The following VKORC1L1 variants were observed in gnomAD, a reference collection of about 807,000 sequenced individuals.
VKORC1L1 encodes vitamin K epoxide reductase complex subunit 1L1.
Under a neutral mutation model 18.9 loss-of-function variants are expected in VKORC1L1, and 2 were observed. That is an observed-to-expected ratio of 0.11 (90% CI 0.04 to 0.33). The LOEUF is 0.33. Among genes scored for constraint, VKORC1L1 ranks in the 10% least tolerant of loss-of-function variants. The pLI, the probability that VKORC1L1 is intolerant of heterozygous loss-of-function variation, is 1.00. For missense variants in VKORC1L1, 123 were observed against 224.1 expected (o/e 0.55, Z 2.88); for synonymous variants, 96 against 100.0 (o/e 0.96, Z 0.24).
intron 1 of VKORC1L1, among the ~76,000 whole-genome samples, chr7:65,890,383 G>T (rs1789092689): frequency 6.6e-6 from 1 of 151,968 alleles, no homozygotes; most frequent in Non-Finnish European, 1.5e-5. Context: ...CGCCTGCCTC[G>T]GCCTCCCAAA....
At chr7:65,880,083 G>A (rs1295856599) in intron 1 of VKORC1L1, among the ~76,000 whole-genome samples, 1 of 152,046 alleles carries the variant, frequency 6.6e-6, no homozygotes, top group Admixed American at 6.6e-5. Flanking sequence ...TCAAACTCCT[G>A]GCCTCAAGCA....
At chr7:65,948,322 A>G (rs35260440) in intron 1 of VKORC1L1, among the ~76,000 whole-genome samples, 16,261 of 149,766 alleles carry the variant, frequency 0.11, 1,041 homozygotes, top group Middle Eastern at 0.2. Context: ...ACAGTGGACA[A>G]CTGTCTCCTT....
chr7:65,934,408 T>G (rs933666808), intron 1 of VKORC1L1, among the ~76,000 whole-genome samples: 5 of 152,224 alleles, frequency 3.3e-5, no homozygotes, highest in Non-Finnish European at 5.9e-5. Context: ...ATTTATTCTC[T>G]TGGCAGTTTT....
chr7:65,929,688 A>ATATATATG (rs1249916144), intron 1 of VKORC1L1, among the ~76,000 whole-genome samples: 11 of 146,098 alleles, frequency 7.5e-5, no homozygotes, highest in African/African-American at 2.5e-4. Context: ...GTGTGTATAT[A>ATATATATG]TATATATATA....
At chr7:65,884,158 T>C (rs2116340458) in intron 1 of VKORC1L1, among the ~76,000 whole-genome samples, 1 of 152,314 alleles carries the variant, frequency 6.6e-6, no homozygotes, top group East Asian at 1.9e-4. Flanking sequence ...ACTTGATCTC[T>C]TGTCTCAGCT....
At chr7:65,872,859 G>A (rs1426020233), upstream of VKORC1L1, among the ~76,000 whole-genome samples, 1 of 152,042 alleles carries the variant, frequency 6.6e-6, no homozygotes, top group East Asian at 1.9e-4. Flanking sequence ...AGGGGCCGAG[G>A]GTTCGCCCAG....
chr7:65,950,322 T>C (rs1451886313), intron 2 of VKORC1L1, among the ~76,000 whole-genome samples: 1 of 152,230 alleles, frequency 6.6e-6, no homozygotes, highest in Non-Finnish European at 1.5e-5. Context: ...TTTATACTTT[T>C]AGAGTTAAAT....
chr7:65,893,491 C>T (rs947506560), intron 1 of VKORC1L1, among the ~76,000 whole-genome samples: 2 of 152,022 alleles, frequency 1.3e-5, no homozygotes, highest in Non-Finnish European at 2.9e-5. Context: ...TACAGTGAGC[C>T]GAGATCATGC....
intron 1 of VKORC1L1, among the ~76,000 whole-genome samples, chr7:65,892,326 A>T (rs573445069): frequency 6.6e-6 from 1 of 152,318 alleles, no homozygotes; most frequent in East Asian, 1.9e-4. Flanking sequence ...GCTGGATCAC[A>T]CGGTAGTTCT....
At chr7:65,941,198 C>T (rs1790026962) in intron 1 of VKORC1L1, among the ~76,000 whole-genome samples, 1 of 152,186 alleles carries the variant, frequency 6.6e-6, no homozygotes, top group Admixed American at 6.5e-5. Flanking sequence ...TGCTTGCAGC[C>T]TCAAACTCCT....
chr7:65,931,769 A>G (rs1583856714), intron 1 of VKORC1L1, among the ~76,000 whole-genome samples: 1 of 151,748 alleles, frequency 6.6e-6, no homozygotes, highest in East Asian at 2.0e-4. Flanking sequence ...GACCTGCAGA[A>G]TAGCTGGGAT....
At chr7:65,883,841 A>G (rs1178808936) in intron 1 of VKORC1L1, among the ~76,000 whole-genome samples, 1 of 152,200 alleles carries the variant, frequency 6.6e-6, no homozygotes, top group African/African-American at 2.4e-5. Context: ...TCATTTAGAA[A>G]AATGTTCTTG....
intron 2 of VKORC1L1, among the ~76,000 whole-genome samples, chr7:65,951,325 C>T (rs1441584771): frequency 6.6e-6 from 1 of 152,128 alleles, no homozygotes; most frequent in African/African-American, 2.4e-5. Context: ...CCAATAATTC[C>T]AGCATTTTGG....
At chr7:65,876,802 T>C (rs1355766599) in intron 1 of VKORC1L1, among the ~76,000 whole-genome samples, 7 of 152,206 alleles carry the variant, frequency 4.6e-5, no homozygotes, top group Admixed American at 6.5e-5. Flanking sequence ...CCCAGCAGTT[T>C]GGGACGCTGA....
intron 1 of VKORC1L1, among the ~76,000 whole-genome samples, chr7:65,885,849 G>A (rs1164505530): frequency 6.6e-6 from 1 of 152,116 alleles, no homozygotes; most frequent in Non-Finnish European, 1.5e-5. Flanking sequence ...CTATTGTCAT[G>A]AATTTACTGT....
rs146883850 is a variant in VKORC1L1 at position 65,891,930 on chromosome 7, C to G, written c.194+18365C>G. 3.8e-3 allele frequency among the ~76,000 whole-genome samples: 583 copies of G among 152,216 alleles called. 6 individuals carry two copies. Among genetic ancestry groups the G allele is most frequent in the African/African-American group, 0.013 (556 of 41,524 alleles). On this transcript the variant is annotated intron_variant, in intron 1 of 2. Transcript: ENST00000360768. The stretch of plus-strand genomic sequence containing the variant: ...TTCTTTTTAACTGTATTTTTGTGCC[C>G]AGTCACCAATCCCTCTTTATTTCCC...
intron 1 of VKORC1L1, among the ~76,000 whole-genome samples, chr7:65,919,047 CA>C (rs1315330184): frequency 6.6e-6 from 1 of 152,180 alleles, no homozygotes; most frequent in East Asian, 1.9e-4. Context: ...GTGATCGCGC[CA>C]CTGCACTCCA....
chr7:65,909,235 C>T (rs969137809), intron 1 of VKORC1L1, among the ~76,000 whole-genome samples: 2 of 150,358 alleles, frequency 1.3e-5, no homozygotes, highest in Non-Finnish European at 3.0e-5. Flanking sequence ...CCACCCACCT[C>T]GGCCTCCCAA....
chr7:65,922,192 A>AGTG (rs1789687511), intron 1 of VKORC1L1, among the ~76,000 whole-genome samples: 1 of 128,020 alleles, frequency 7.8e-6, no homozygotes, highest in Non-Finnish European at 1.7e-5. Flanking sequence ...TTGACATAGT[A>AGTG]TTCATTTAGT....
Sources: allele counts gnomAD v4.1 joint callset (sites outside exome capture counted in the v4.1 genomes callset), GRCh38; gene constraint gnomAD v4.1.1; transcripts MANE v1.5; gene names NCBI Gene and HGNC (gene_info 2026-07-23, HGNC 2026-07-21).